The following CIITA variants were observed in gnomAD, a reference collection of about 807,000 sequenced individuals.
CIITA encodes MHC class II transactivator.
In CIITA, 72 loss-of-function variants were observed where a neutral mutation model predicts 115.1. The observed-to-expected ratio is 0.63, with a 90% CI of 0.52 to 0.76. The LOEUF (loss-of-function observed/expected upper bound fraction) is 0.76, where lower values mean the gene tolerates loss of function less well. Ranked by LOEUF, CIITA falls within the 30% of genes least tolerant of loss-of-function variation. CIITA has a pLI of 0.00. For synonymous variants in CIITA, 763 were observed against 635.6 expected (o/e 1.20, Z -3.02); for missense variants, 1,617 against 1,463.8 (o/e 1.10, Z -1.71).
chr16:10,877,463 C>G, intron 1 of CIITA, 81 bp downstream of exon 1: 3 of 1,419,410 alleles, frequency 2.1e-6, no homozygotes. Context: ...AGAAACCATT[C>G]TGAATTGGGG....
Position 10,893,234 on chromosome 16 carries a change from A to T in CIITA, c.53-2048A>T, listed in dbSNP as rs140672802. The stretch of plus-strand genomic sequence containing the variant: ...TTCTGGCCTCCAGAACCATGAGAGA[A>T]TAAAGTGCTGTTGTTCTGAGCTACC... On this transcript the variant is annotated intron_variant, in intron 1 of 19. Transcript: ENST00000324288. Among the ~76,000 whole-genome samples, 1,012 of 152,274 alleles carry T rather than the reference A, an allele frequency of 6.6e-3. 5 individuals carry two copies. Among genetic ancestry groups the T allele is most frequent in the Non-Finnish European group, 0.011 (778 of 68,018 alleles).
chr16:10,873,130 G>A (rs557595192), upstream of CIITA, among the ~76,000 whole-genome samples: 2 of 152,160 alleles, frequency 1.3e-5, no homozygotes, highest in East Asian at 3.9e-4. Flanking sequence ...GCACCACTAT[G>A]CCCGGCTAAT....
In CIITA at chr16:10,879,355, A is replaced by G. The variant is rs1344107042; in HGVS notation, c.52+1973A>G. 1.3e-5 allele frequency among the ~76,000 whole-genome samples: 2 copies of G among 151,146 alleles called. No homozygotes were observed. Among genetic ancestry groups the G allele is most frequent in the Non-Finnish European group, 2.9e-5 (2 of 67,854 alleles). ...CAGACTGGGAGCGCGGAGCAGACAC[A>G]CTCCCCCGGCCACCCTTGGCCGACT... On this transcript the variant is annotated intron_variant, in intron 1 of 19. Coordinates refer to ENST00000324288, the MANE Select transcript of CIITA (RefSeq NM_000246.4). The surrounding 1 kb of genome is among the most constrained non-coding windows in gnomAD (Gnocchi z 4.3).
Position 10,907,304 on chromosome 16 carries a change from T to A in CIITA, c.1812T>A (p.Leu604=). 1 of 1,613,518 alleles carries A rather than the reference T, an allele frequency of 6.2e-7. No homozygotes were observed. Among genetic ancestry groups the A allele is most frequent in the African/African-American group, 1.3e-5 (1 of 74,998 alleles). The change falls in exon 11 of 20, where the codon CTT becomes CTA. Residue 604 remains leucine (L), a synonymous_variant. Transcript: ENST00000324288. This position sits in a 1 kb window ranked among gnomAD's most constrained non-coding sequence, Gnocchi z 5.0. ...CGCTCCTCCGGGACCGGCCACTTCT[T>A]CTCAGTCACAGCCACAGCCCTACTT... is the stretch of plus-strand genomic sequence containing the variant. ...ALTLLRDRPL[L]LSHSHSPTLC... is the part of the protein sequence containing the mutation.
In CIITA at chr16:10,933,188, G is replaced by A. The variant is rs2040872525; in HGVS notation, c.*9333G>A. 1 of 152,276 alleles carries A rather than the reference G, an allele frequency of 6.6e-6. No individual in the cohort carries two copies. The highest frequency in any genetic ancestry group is 2.4e-5 in the African/African-American group (1 of 41,400). 9.4% of individuals were successfully genotyped at this position (152,276 alleles called of 1,614,324 possible). A position where few individuals can be genotyped will look rare whatever the true frequency, so the allele number is the denominator to read the frequency against. On this transcript the variant is annotated 3_prime_UTR_variant, in exon 20 of 20. Coordinates refer to ENST00000324288, the MANE Select transcript of CIITA (RefSeq NM_000246.4). Reference sequence around the variant, plus strand: ...AACCTTTCATTCCAGCCATTCCCCAGAGCTGGACAGAGGACGTGGCTGGCT... The same window carrying A: ...AACCTTTCATTCCAGCCATTCCCCAAAGCTGGACAGAGGACGTGGCTGGCT...
rs769394188 is a variant in CIITA at position 10,941,904 on chromosome 16, G to A, written n.1030G>A. On this transcript the variant is annotated non_coding_transcript_exon_variant, in exon 2 of 2. Transcript: ENST00000573379. This position sits in a 1 kb window ranked among gnomAD's most constrained non-coding sequence, Gnocchi z 6.4. ...AGTACAGGATCAGCACATTGACGAAGAACAGGCCCACGTAGAACATAGAGG... is the reference window on the plus strand; with the variant it reads ...AGTACAGGATCAGCACATTGACGAAAAACAGGCCCACGTAGAACATAGAGG... 1.9e-6 allele frequency: 3 copies of A among 1,608,886 alleles called. No individual in the cohort carries two copies. The highest frequency in any genetic ancestry group is 1.3e-5 in the African/African-American group (1 of 74,940).
At position 10,915,627 on chromosome 16, in the gene CIITA, C is replaced by A; in HGVS notation, c.2946C>A (p.Ala982=). The part of the protein sequence containing the change: ...AFPKLVRILT[A]FSSLQHLDLD... ...CCAAACTGGTGCGGATCCTCACGGC[C>A]TTTTCCTCCCTGCAGCATCTGGAGT... The change falls in exon 14 of 20, where the codon GCC becomes GCA. Residue 982 remains alanine, a synonymous_variant. Coordinates refer to ENST00000324288, the MANE Select transcript of CIITA (RefSeq NM_000246.4). The A allele has an allele frequency of 6.2e-7, 1 of 1,614,144 alleles. No individual in the cohort carries two copies. Among genetic ancestry groups the A allele is most frequent in the Non-Finnish European group, 8.5e-7 (1 of 1,180,000 alleles).
chr16:10,902,397 G>A (rs534875996), intron 7 of CIITA, among the ~76,000 whole-genome samples: 14 of 152,228 alleles, frequency 9.2e-5, no homozygotes, highest in South Asian at 2.1e-4. Context: ...ACATCCGTGC[G>A]AGCATCAGGA....
Position 10,942,231 on chromosome 16 carries a change from G to A in CIITA, n.1357G>A. On this transcript the variant is annotated non_coding_transcript_exon_variant, in exon 2 of 2. Transcript: ENST00000573379. The surrounding 1 kb of genome is among the most constrained non-coding windows in gnomAD (Gnocchi z 5.0). ...GCCCCCAAGGATCTCTCGACCGCCCGGGCGGCGAGGCGGGCCCCCCTGAAG... is the reference window on the plus strand; with the variant it reads ...GCCCCCAAGGATCTCTCGACCGCCCAGGCGGCGAGGCGGGCCCCCCTGAAG... 2.6e-6 allele frequency: 1 copy of A among 384,844 alleles called. No homozygotes were observed. The allele number at this position is 384,844 out of a possible 1,614,324, so 23.8% of individuals were successfully genotyped here.
chr16:10,904,167 T>A (rs111692380), intron 9 of CIITA, among the ~76,000 whole-genome samples: 67 of 152,328 alleles, frequency 4.4e-4, no homozygotes, highest in African/African-American at 1.5e-3. Flanking sequence ...TCAGATCTTT[T>A]GAAGTTGAAA....
chr16:10,890,438 C>T (rs1241461250), intron 1 of CIITA, among the ~76,000 whole-genome samples: 1 of 152,160 alleles, frequency 6.6e-6, no homozygotes, highest in African/African-American at 2.4e-5. Flanking sequence ...AGATGCACAT[C>T]ACCACGCCCA....
rs55895311 is a variant in CIITA at position 10,894,526 on chromosome 16, T to C, written c.53-756T>C. 4.6e-3 allele frequency among the ~76,000 whole-genome samples: 703 copies of C among 152,374 alleles called. 6 individuals carry two copies. The highest frequency in any genetic ancestry group is 0.016 in the African/African-American group (667 of 41,584). ...TTATGGGGTATATGTGAATATTTAT[T>C]ACATGCATAGAAGGTATAATGATCA... On this transcript the variant is annotated intron_variant, in intron 1 of 19. Coordinates refer to ENST00000324288, the MANE Select transcript of CIITA (RefSeq NM_000246.4).
chr16:10,866,482 G>A, intron 1 of CIITA: 1 of 562,468 alleles, frequency 1.8e-6, no homozygotes. Flanking sequence ...ACTAGAGAAA[G>A]GAGACCTGGA....
In CIITA at chr16:10,901,464, G is replaced by T. The variant is rs767774238; in HGVS notation, c.437-50G>T. 1 of 1,608,164 alleles carries T rather than the reference G, an allele frequency of 6.2e-7. No individual in the cohort carries two copies. The highest frequency in any genetic ancestry group is 8.5e-7 in the Non-Finnish European group (1 of 1,174,872). On this transcript the variant is annotated intron_variant, in intron 5 of 19. Coordinates refer to ENST00000324288, the MANE Select transcript of CIITA (RefSeq NM_000246.4). The surrounding 1 kb of genome is among the most constrained non-coding windows in gnomAD (Gnocchi z 6.8). ...CTGCTAGAGTCCTGAGCCCCTTCTG[G>T]CTTGGGACATCCTCTCCCTGGGGCA... is the stretch of plus-strand genomic sequence containing the variant.
chr16:10,892,872 C>T (rs555443110), intron 1 of CIITA, among the ~76,000 whole-genome samples: 113 of 152,236 alleles, frequency 7.4e-4, no homozygotes, highest in African/African-American at 2.6e-3. Context: ...GTGGAGGTTG[C>T]AGTGAGCCGA....
chr16:10,898,243 A>G (rs904388529), intron 3 of CIITA, among the ~76,000 whole-genome samples: 2 of 152,080 alleles, frequency 1.3e-5, no homozygotes, highest in Non-Finnish European at 2.9e-5. Flanking sequence ...GATGCTCTAG[A>G]TGTAGAACCT....
intron 16 of CIITA, among the ~76,000 whole-genome samples, chr16:10,921,154 A>G (rs760125278): frequency 1.3e-5 from 2 of 152,240 alleles, no homozygotes. Context: ...GGCGTGAGCC[A>G]CTGCACCTGC....
chr16:10,938,478 T>C (rs1468952246), downstream of CIITA: 3 of 152,150 alleles, frequency 2.0e-5, no homozygotes, highest in Non-Finnish European at 4.4e-5. This position sits in a 1 kb window ranked among gnomAD's most constrained non-coding sequence, Gnocchi z 4.9. Flanking sequence ...GTTTCCTGGA[T>C]TGGCGTGTGG....
intron 8 of CIITA, among the ~76,000 whole-genome samples, 161 bp downstream of exon 8, chr16:10,902,962 C>G (rs1455083752): frequency 6.6e-6 from 1 of 152,236 alleles, no homozygotes; most frequent in African/African-American, 2.4e-5. Flanking sequence ...TCCCAAAAAT[C>G]AAAGCAGAAG....
Sources: allele counts gnomAD v4.1 joint callset (sites outside exome capture counted in the v4.1 genomes callset), GRCh38; gene constraint gnomAD v4.1.1; non-coding constraint Gnocchi (gnomAD v3.1); transcripts MANE v1.5; gene names NCBI Gene and HGNC (gene_info 2026-07-23, HGNC 2026-07-21).